The following NBAS variants were observed in gnomAD, a reference collection of about 807,000 sequenced individuals.
The protein encoded by NBAS is NAG/BC035112 fusion.
A neutral mutation model predicts 302.5 loss-of-function variants in NBAS; 219 were observed. The observed-to-expected ratio is 0.72, with a 90% confidence interval of 0.65 to 0.81. NBAS has a LOEUF of 0.81. Among genes scored for constraint, NBAS ranks in the 30% least tolerant of loss-of-function variants. NBAS has a pLI of 0.00. For synonymous variants in NBAS, 1,118 were observed against 1,021.6 expected, an observed-to-expected ratio of 1.09 and a Z score of -1.80; for missense variants, 2,932 against 2,841.6, an observed-to-expected ratio of 1.03 and a Z score of -0.72.
chr2:15,343,065 T>C (rs1453034969), intron 35 of NBAS, among the ~76,000 whole-genome samples: 2 of 152,046 alleles, frequency 1.3e-5, no homozygotes, highest in African/African-American at 4.8e-5. Context: ...CAGGTTCTCC[T>C]TTCCAGAGAA....
intron 44 of NBAS, among the ~76,000 whole-genome samples, chr2:15,270,648 A>G (rs1382855294): frequency 1.3e-5 from 2 of 152,268 alleles, no homozygotes; most frequent in African/African-American, 4.8e-5. Flanking sequence ...CTGTGCTAGG[A>G]CATAGGAAAT....
chr2:15,485,692 C>T lies in NBAS; in HGVS notation c.1083+3202G>A, dbSNP rs193132082. Among the ~76,000 whole-genome samples, 5 of 152,274 alleles carry T rather than the reference C, an allele frequency of 3.3e-5. No individual in the cohort carries two copies. The East Asian group carries it at 9.6e-4, about 29-fold the overall frequency. On this transcript the variant is annotated intron_variant, in intron 12 of 51. Coordinates refer to ENST00000281513, the MANE Select transcript of NBAS (RefSeq NM_015909.4). The stretch of plus-strand genomic sequence containing the variant: ...GCTATACAAGTATGCAATTAGCATA[C>T]AGAAAGAAACCAGAGTGTCTGTGAA...
At chr2:14,949,935 A>G in the NBAS span, among the ~76,000 whole-genome samples, 1 of 152,204 alleles carries the variant, frequency 6.6e-6, no homozygotes, top group Non-Finnish European at 1.5e-5. Flanking sequence ...ATTAATTGGT[A>G]AGAACATATG....
chr2:15,334,424 A>G (rs1279824750), intron 35 of NBAS, among the ~76,000 whole-genome samples: 19 of 152,008 alleles, frequency 1.2e-4, no homozygotes, highest in Non-Finnish European at 1.5e-5. Flanking sequence ...TCCTGACCTC[A>G]TGATCCGCCC....
the NBAS span, among the ~76,000 whole-genome samples, chr2:14,847,280 G>T: frequency 0.031 from 4,736 of 151,102 alleles, 233 homozygotes; most frequent in African/African-American, 0.11. Context: ...CTACTTGGGA[G>T]GCTGAAGCAG....
chr2:14,879,820 T>C, the NBAS span, among the ~76,000 whole-genome samples: 47 of 152,154 alleles, frequency 3.1e-4, no homozygotes, highest in African/African-American at 1.1e-3. Context: ...ACAGACTTCA[T>C]AGAAAAGAGA....
intron 38 of NBAS, among the ~76,000 whole-genome samples, chr2:15,325,450 A>G (rs530333280): frequency 2.1e-4 from 32 of 152,254 alleles, no homozygotes; most frequent in African/African-American, 7.7e-4. Context: ...AAGGGTCTCA[A>G]TGTTGATGGC....
chr2:14,856,143 G>A, the NBAS span, among the ~76,000 whole-genome samples: 1 of 152,196 alleles, frequency 6.6e-6, no homozygotes, highest in Non-Finnish European at 1.5e-5. Context: ...GAGGGAACAA[G>A]AGTCTCTGCC....
At chr2:15,551,134 G>A (rs1664361630) in intron 6 of NBAS, among the ~76,000 whole-genome samples, 1 of 152,082 alleles carries the variant, frequency 6.6e-6, no homozygotes, top group Non-Finnish European at 1.5e-5. Flanking sequence ...AATTTTTGCT[G>A]AATATATTTA....
chr2:15,374,700 G>A lies in NBAS; in HGVS notation c.3611C>T (p.Thr1204Ile). The A allele has an allele frequency of 6.2e-7, 1 of 1,613,794 alleles. No homozygotes were observed. The highest frequency in any genetic ancestry group is 8.5e-7 in the Non-Finnish European group (1 of 1,179,780). ...DLARCCLQLITDRPPAIQEEL... is the reference protein window; with the variant it reads ...DLARCCLQLIIDRPPAIQEEL... ...CTCTTGAATGGCAGGGGGTCTGTCT[G>A]TTATCAGTTGTAAGCAGCACCTAGA... is the stretch of plus-strand genomic sequence containing the variant. Residue 1204 changes from threonine (T) to isoleucine (I), a missense_variant, in exon 31 of 52, where the codon ACA becomes ATA. By Grantham distance (89) the Thr-to-Ile change is moderately conservative (BLOSUM62 -1). Coordinates refer to ENST00000281513, the MANE Select transcript of NBAS (RefSeq NM_015909.4).
chr2:14,897,898 G>T, the NBAS span, among the ~76,000 whole-genome samples: 19 of 152,274 alleles, frequency 1.2e-4, no homozygotes, highest in Admixed American at 2.0e-4. Context: ...GGGAAGACTG[G>T]GGGTTATTTG....
chr2:15,110,977 T>A, the NBAS span, among the ~76,000 whole-genome samples: 2 of 152,144 alleles, frequency 1.3e-5, no homozygotes, highest in African/African-American at 4.8e-5. Context: ...CCAGTATTAC[T>A]TTGGGGGAGA....
intron 44 of NBAS, among the ~76,000 whole-genome samples, chr2:15,269,740 G>C (rs553803333): frequency 1.6e-4 from 25 of 152,234 alleles, no homozygotes; most frequent in Admixed American, 9.8e-4. Flanking sequence ...AATCATACCT[G>C]GGAAATAAAT....
the NBAS span, among the ~76,000 whole-genome samples, chr2:15,081,505 C>G: frequency 6.6e-6 from 1 of 152,342 alleles, no homozygotes; most frequent in South Asian, 2.1e-4. Context: ...GAGCCTCCAA[C>G]TCAACAGTCA....
chr2:15,429,823 T>C (rs748226560), intron 21 of NBAS, among the ~76,000 whole-genome samples: 51 of 152,214 alleles, frequency 3.4e-4, no homozygotes, highest in Non-Finnish European at 4.0e-4. Context: ...TTAGAATGGA[T>C]GCTACAACCA....
the NBAS span, among the ~76,000 whole-genome samples, chr2:15,134,338 G>A: frequency 6.6e-6 from 1 of 152,110 alleles, no homozygotes; most frequent in Non-Finnish European, 1.5e-5. Context: ...CAAACGTGCT[G>A]GCAGCCTGAG....
chr2:14,890,564 T>A, the NBAS span: 1 of 152,198 alleles, frequency 6.6e-6, no homozygotes. Flanking sequence ...ATGCCTGTAA[T>A]CCCAGCATTT....
chr2:15,551,583 A>G, intron 5 of NBAS, 47 bp from the exon 6 acceptor site: 1 of 1,443,024 alleles, frequency 6.9e-7, no homozygotes, highest in Non-Finnish European at 9.6e-7. Flanking sequence ...GTAACACTGT[A>G]TAGAACCATA....
chr2:14,780,608 C>T, the NBAS span, among the ~76,000 whole-genome samples: 239 of 152,268 alleles, frequency 1.6e-3, no homozygotes, highest in African/African-American at 4.6e-3. Flanking sequence ...CTAGTTGTAC[C>T]TTCTTCATAA....
Sources: gnomAD v4.1 joint callset for allele counts (sites outside exome capture counted in the v4.1 genomes callset) on GRCh38, gnomAD v4.1.1 for gene constraint, MANE v1.5 for transcripts, NCBI Gene and HGNC (gene_info 2026-07-23, HGNC 2026-07-21) for gene names.